Variants in LAT observed in about 807,000 individuals in gnomAD.
The protein encoded by LAT is linker for activation of T-cells family member 1.
In LAT, 12 loss-of-function variants were observed where a neutral mutation model predicts 39.1. The observed-to-expected ratio is 0.31, with a 90% CI of 0.20 to 0.50. LAT has a LOEUF of 0.50. Among genes scored for constraint, LAT ranks in the 20% least tolerant of loss-of-function variants. LAT has a pLI of 0.98. For missense variants in LAT, 253 were observed against 308.0 expected, an observed-to-expected ratio of 0.82 and a Z score of 1.34; for synonymous variants, 117 against 123.8, an observed-to-expected ratio of 0.95 and a Z score of 0.36.
chr16:28,985,490 C>CTGTG lies in LAT; in HGVS notation c.78_81dup (p.His28CysfsTer17), dbSNP rs1363494222. The CTGTG allele has an allele frequency of 6.2e-7, 1 of 1,613,834 alleles. No homozygotes were observed. The highest frequency in any genetic ancestry group is 8.5e-7 in the Non-Finnish European group (1 of 1,179,926). On this transcript the variant is annotated frameshift_variant, in exon 1 of 12. Coordinates refer to ENST00000395456, the MANE Select transcript of LAT (RefSeq NM_001014987.2). LOFTEE classifies it high-confidence loss of function. The surrounding 1 kb of genome is among the most constrained non-coding windows in gnomAD (Gnocchi z 4.6). ...GCCCATCCTGGCCATGTTGATGGCA[C>CTGTG]TGTGTGTGCACTGCCACAGACTGCC... is the stretch of plus-strand genomic sequence containing the variant.
In LAT at chr16:28,986,302, TGGGGG is replaced by T; in HGVS notation, c.246-79_246-75del. On this transcript the variant is annotated intron_variant, in intron 4 of 11. Transcript: ENST00000395456. The surrounding 1 kb of genome is among the most constrained non-coding windows in gnomAD (Gnocchi z 5.7). ...TCTCTACCCCTTCACTTTTTTGGAT[TGGGGG>T]CCCCTTTCCCTTTTGCAACTGCTGT... is the stretch of plus-strand genomic sequence containing the variant. 2.5e-6 allele frequency: 4 copies of T among 1,578,220 alleles called. No individual in the cohort carries two copies. Among genetic ancestry groups the T allele is most frequent in the Admixed American group, 1.7e-5 (1 of 58,160 alleles).
chr16:28,989,310 T>C, intron 8 of LAT: 1 of 552,098 alleles, frequency 1.8e-6, no homozygotes, highest in Non-Finnish European at 3.2e-6. Context: ...TCCACAGCCC[T>C]TGCCCTTGTC....
chr16:28,986,826 C>A lies in LAT; in HGVS notation c.426C>A (p.Ala142=). The A allele has an allele frequency of 1.9e-6, 3 of 1,614,128 alleles. No homozygotes were observed. Among genetic ancestry groups the A allele is most frequent in the Non-Finnish European group, 2.5e-6 (3 of 1,179,996 alleles). The change falls in exon 8 of 12, where the codon GCC becomes GCA. Residue 142 remains alanine, a synonymous_variant. Coordinates refer to ENST00000395456, the MANE Select transcript of LAT (RefSeq NM_001014987.2). This position sits in a 1 kb window ranked among gnomAD's most constrained non-coding sequence, Gnocchi z 5.7. ...YLVVLPDSTP[A]TSTAAPSAPA... is the part of the protein sequence containing the mutation. The stretch of plus-strand genomic sequence containing the variant: ...TGGTGCTTCCTGACAGCACCCCGGC[C>A]ACTAGCACTGCTGCCCCATCAGCTC...
Position 28,986,905 on chromosome 16 carries a change from AT to A in LAT, c.493+15del, listed in dbSNP as rs1367657347. The A allele has an allele frequency of 1.9e-6, 3 of 1,609,494 alleles. No homozygotes were observed. In the African/African-American group the frequency reaches 4.0e-5, roughly 22 times the overall value. ...CAGTGCCTTCTCCAGTGAGTCAGGCATTTGTTTTTATTTTTAAATTTTTTTA... is the reference window on the plus strand; with the variant it reads ...CAGTGCCTTCTCCAGTGAGTCAGGCATTGTTTTTATTTTTAAATTTTTTTA... On this transcript the variant is annotated intron_variant, in intron 8 of 11. Transcript: ENST00000395456. The surrounding 1 kb of genome is among the most constrained non-coding windows in gnomAD (Gnocchi z 5.7).
chr16:28,989,685 C>A, intron 9 of LAT, 89 bp from the exon 10 acceptor site: 1 of 1,582,680 alleles, frequency 6.3e-7, no homozygotes, highest in Non-Finnish European at 8.7e-7. Context: ...TACCCACACC[C>A]TCTGCCCCCT....
intron 8 of LAT, 32 bp from the exon 9 acceptor site, chr16:28,989,493 TCA>T: frequency 6.4e-7 from 1 of 1,567,478 alleles, no homozygotes; most frequent in Non-Finnish European, 8.7e-7. Flanking sequence ...GGGTCTCTGG[TCA>T]CAGTGCCGAG....
rs71387635 is a variant in LAT, at chr16:28,985,570, C to T, written c.100+53C>T. On this transcript the variant is annotated intron_variant, in intron 1 of 11. Transcript: ENST00000395456. This position sits in a 1 kb window ranked among gnomAD's most constrained non-coding sequence, Gnocchi z 4.6. ...AGGGCCCAGGGACACCGACGGGATC[C>T]TCATCCACTCCCAGCCCCTGTGTCT... 1 of 1,603,174 alleles carries T rather than the reference C, an allele frequency of 6.2e-7. No homozygotes were observed. Among genetic ancestry groups the T allele is most frequent in the African/African-American group, 1.3e-5 (1 of 74,838 alleles).
Position 28,986,952 on chromosome 16 carries a change from G to T in LAT, c.493+59G>T. 7.1e-7 allele frequency: 1 copy of T among 1,410,754 alleles called. No homozygotes were observed. Among genetic ancestry groups the T allele is most frequent in the Non-Finnish European group, 9.8e-7 (1 of 1,018,938 alleles). The allele number at this position is 1,410,754 out of a possible 1,614,324, so 87.4% of individuals were successfully genotyped here. A position where few individuals can be genotyped will look rare whatever the true frequency, so the allele number is the denominator to read the frequency against. ...TTTTAGGGATAGGCTGGAGTGCAGT[G>T]GTGCCATTGTAGCTCGCTGCAGCCT... On this transcript the variant is annotated intron_variant, in intron 8 of 11. Transcript: ENST00000395456. This position sits in a 1 kb window ranked among gnomAD's most constrained non-coding sequence, Gnocchi z 5.7.
chr16:28,985,755 G>T lies in LAT; in HGVS notation c.128+15G>T. ...TCCTCAGATAGGTGAGTCCGCCCCAGCCGCCCTGGGTCTCCCTCCACACCC... is the reference window on the plus strand; with the variant it reads ...TCCTCAGATAGGTGAGTCCGCCCCATCCGCCCTGGGTCTCCCTCCACACCC... On this transcript the variant is annotated intron_variant, in intron 2 of 11. Coordinates refer to ENST00000395456, the MANE Select transcript of LAT (RefSeq NM_001014987.2). This position sits in a 1 kb window ranked among gnomAD's most constrained non-coding sequence, Gnocchi z 4.6. The T allele has an allele frequency of 6.2e-7, 1 of 1,614,056 alleles. No individual in the cohort carries two copies. Among genetic ancestry groups the T allele is most frequent in the South Asian group, 1.1e-5 (1 of 91,084 alleles).
rs1272680184 is a variant in LAT, at chr16:28,990,486, C to CT, written c.*306dup. The CT allele has an allele frequency of 1.3e-5, 4 of 314,334 alleles. No individual in the cohort carries two copies. The highest frequency in any genetic ancestry group is 2.5e-5 in the Non-Finnish European group (4 of 159,296). 19.5% of individuals were successfully genotyped at this position (314,334 alleles called of 1,614,324 possible). On this transcript the variant is annotated 3_prime_UTR_variant, in exon 12 of 12. Coordinates refer to ENST00000395456, the MANE Select transcript of LAT (RefSeq NM_001014987.2). ...CGTCTGTGTGTGCCTGTGTGCGAGT[C>CT]TGAGTCAGAGATTTGGAGATGTCTC...
In LAT at chr16:28,990,344, G is replaced by A. The variant is rs891290505; in HGVS notation, c.*163G>A. ...GTAACTTATTATCACTTTGGGGTTCGGCCTGTGTCCCCCGAACGCTCTGCA... is the reference window on the plus strand; with the variant it reads ...GTAACTTATTATCACTTTGGGGTTCAGCCTGTGTCCCCCGAACGCTCTGCA... On this transcript the variant is annotated 3_prime_UTR_variant, in exon 12 of 12. Transcript: ENST00000395456. The A allele has an allele frequency of 5.7e-5, 31 of 540,674 alleles. No individual in the cohort carries two copies. Among genetic ancestry groups the A allele is most frequent in the East Asian group, 5.1e-4 (12 of 23,734 alleles). 33.5% of individuals were successfully genotyped at this position (540,674 alleles called of 1,614,324 possible). A position where few individuals can be genotyped will look rare whatever the true frequency, so the allele number is the denominator to read the frequency against.
At position 28,990,277 on chromosome 16, in the gene LAT, C is replaced by T. The variant is rs1239060108; in HGVS notation, c.*96C>T. 1.5e-6 allele frequency: 1 copy of T among 671,192 alleles called. No homozygotes were observed. Among genetic ancestry groups the T allele is most frequent in the South Asian group, 1.5e-5 (1 of 66,446 alleles). 41.6% of individuals were successfully genotyped at this position (671,192 alleles called of 1,614,324 possible). On this transcript the variant is annotated 3_prime_UTR_variant, in exon 12 of 12. Transcript: ENST00000395456. ...GGCTCTGGGGTCCTCACATGGCGTCCTGCCCTTGCTCCAGCCTGACAACAG... is the reference window on the plus strand; with the variant it reads ...GGCTCTGGGGTCCTCACATGGCGTCTTGCCCTTGCTCCAGCCTGACAACAG...
chr16:28,987,748 T>G (rs1965790586), intron 8 of LAT: 1 of 152,192 alleles, frequency 6.6e-6, no homozygotes, highest in Non-Finnish European at 1.5e-5. Context: ...ACTATGTGCC[T>G]CTGCTGGGCT....
intron 8 of LAT, among the ~76,000 whole-genome samples, chr16:28,987,239 C>T (rs1965780744): frequency 1.3e-5 from 2 of 152,158 alleles, no homozygotes; most frequent in South Asian, 4.1e-4. Context: ...AGCTTTCTCT[C>T]TCTTCTTTCC....
At position 28,990,346 on chromosome 16, in the gene LAT, C is replaced by A; in HGVS notation, c.*165C>A. Reference sequence around the variant, plus strand: ...AACTTATTATCACTTTGGGGTTCGGCCTGTGTCCCCCGAACGCTCTGCACC... The same window carrying A: ...AACTTATTATCACTTTGGGGTTCGGACTGTGTCCCCCGAACGCTCTGCACC... On this transcript the variant is annotated 3_prime_UTR_variant, in exon 12 of 12. Coordinates refer to ENST00000395456, the MANE Select transcript of LAT (RefSeq NM_001014987.2). 1 of 527,680 alleles carries A rather than the reference C, an allele frequency of 1.9e-6. No homozygotes were observed. Among genetic ancestry groups the A allele is most frequent in the Non-Finnish European group, 3.6e-6 (1 of 276,362 alleles). The allele number at this position is 527,680 out of a possible 1,614,324, so 32.7% of individuals were successfully genotyped here.
Position 28,986,308 on chromosome 16 carries a change from C to T in LAT, c.246-74C>T. On this transcript the variant is annotated intron_variant, in intron 4 of 11. Coordinates refer to ENST00000395456, the MANE Select transcript of LAT (RefSeq NM_001014987.2). The surrounding 1 kb of genome is among the most constrained non-coding windows in gnomAD (Gnocchi z 5.7). ...CCCCTTCACTTTTTTGGATTGGGGG[C>T]CCCTTTCCCTTTTGCAACTGCTGTT... The T allele has an allele frequency of 6.3e-7, 1 of 1,585,430 alleles. No individual in the cohort carries two copies.
At position 28,990,417 on chromosome 16, in the gene LAT, C is replaced by G; in HGVS notation, c.*236C>G. On this transcript the variant is annotated 3_prime_UTR_variant, in exon 12 of 12. Coordinates refer to ENST00000395456, the MANE Select transcript of LAT (RefSeq NM_001014987.2). ...GACCTGCCCTGGCCCCAGCCCTACT[C>G]TGTGTAATAGAATAAAGGCCTGCGT... 2.5e-6 allele frequency: 1 copy of G among 394,648 alleles called. No individual in the cohort carries two copies. Among genetic ancestry groups the G allele is most frequent in the Non-Finnish European group, 5.0e-6 (1 of 201,254 alleles). 24.4% of individuals were successfully genotyped at this position (394,648 alleles called of 1,614,324 possible). A position where few individuals can be genotyped will look rare whatever the true frequency, so the allele number is the denominator to read the frequency against.
Position 28,986,553 on chromosome 16 carries a change from G to C in LAT, c.324G>C (p.Ala108=). The change falls in exon 6 of 12, where the codon GCG becomes GCC. Residue 108 remains alanine (A), a synonymous_variant. Transcript: ENST00000395456. This position sits in a 1 kb window ranked among gnomAD's most constrained non-coding sequence, Gnocchi z 5.7. ...CTCTCTTTGAAGCCAACAGTGTGGC[G>C]AGCTACGAGAACGAGGGTGCGTCTG... is the stretch of plus-strand genomic sequence containing the variant. The part of the protein sequence containing the change: ...RRDSDGANSV[A]SYENEEPACE... 6.2e-7 allele frequency: 1 copy of C among 1,612,302 alleles called. No individual in the cohort carries two copies. The highest frequency in any genetic ancestry group is 8.5e-7 in the Non-Finnish European group (1 of 1,178,782).
At position 28,990,435 on chromosome 16, in the gene LAT, G is replaced by T. The variant is rs1567533041; in HGVS notation, c.*254G>T. ...CCCTACTCTGTGTAATAGAATAAAG[G>T]CCTGCGTGTGTCTGTGTTGAGCGTG... On this transcript the variant is annotated 3_prime_UTR_variant, in exon 12 of 12. Coordinates refer to ENST00000395456, the MANE Select transcript of LAT (RefSeq NM_001014987.2). 2 of 360,010 alleles carry T rather than the reference G, an allele frequency of 5.6e-6. No individual in the cohort carries two copies. Among genetic ancestry groups the T allele is most frequent in the Admixed American group, 7.6e-5 (2 of 26,296 alleles). The allele number at this position is 360,010 out of a possible 1,614,324, so 22.3% of individuals were successfully genotyped here. A position where few individuals can be genotyped will look rare whatever the true frequency, so the allele number is the denominator to read the frequency against.
Sources: allele counts gnomAD v4.1 joint callset (sites outside exome capture counted in the v4.1 genomes callset), GRCh38; gene constraint gnomAD v4.1.1; non-coding constraint Gnocchi (gnomAD v3.1); transcripts MANE v1.5; gene names NCBI Gene and HGNC (gene_info 2026-07-23, HGNC 2026-07-21).